Variants in ANK3 observed in about 807,000 individuals in gnomAD.
The protein encoded by ANK3 is ankyrin-3.
A neutral mutation model predicts 370.9 loss-of-function variants in ANK3; 57 were observed. The observed-to-expected ratio is 0.15, with a 90% CI of 0.12 to 0.19. The LOEUF is 0.19. ANK3 is among the 10% of genes least tolerant of loss of function. The pLI, the probability that ANK3 is intolerant of heterozygous loss-of-function variation, is 1.00. For missense variants in ANK3, 4,439 were observed against 5,302.1 expected (o/e 0.84, Z 5.06); for synonymous variants, 1,929 against 1,946.3 (o/e 0.99, Z 0.23).
At chr10:60,569,184 TG>T (rs1199356244) in intron 2 of ANK3, among the ~76,000 whole-genome samples, 3 of 152,324 alleles carry the variant, frequency 2.0e-5, no homozygotes, top group Admixed American at 1.3e-4. Context: ...GGGGGCAATA[TG>T]TTATCCTGTG....
intron 9 of ANK3, among the ~76,000 whole-genome samples, chr10:60,213,100 G>A (rs2096882153): frequency 6.6e-6 from 1 of 152,106 alleles, no homozygotes; most frequent in Admixed American, 6.6e-5. Flanking sequence ...AGAGAGTGTA[G>A]AACTTTAGTC....
intron 2 of ANK3, among the ~76,000 whole-genome samples, chr10:60,551,775 G>A (rs2077093718): frequency 6.6e-6 from 1 of 152,046 alleles, no homozygotes; most frequent in Non-Finnish European, 1.5e-5. Flanking sequence ...TGTAAAACAG[G>A]AAGATAATAA....
At chr10:60,721,394 A>G (rs1319563628) in intron 1 of ANK3, among the ~76,000 whole-genome samples, 4 of 152,254 alleles carry the variant, frequency 2.6e-5, no homozygotes, top group Admixed American at 2.6e-4. Flanking sequence ...TAAGTATAGC[A>G]TGGTCACAGG....
At chr10:60,068,485 T>C (rs1350143434) in intron 37 of ANK3, 152 bp downstream of exon 37, 7 of 805,120 alleles carry the variant, frequency 8.7e-6, no homozygotes, top group African/African-American at 1.7e-5. Flanking sequence ...CAGATGACAA[T>C]GACATAATGA....
At chr10:60,448,775 T>G (rs2064519661) in intron 2 of ANK3, among the ~76,000 whole-genome samples, 1 of 152,262 alleles carries the variant, frequency 6.6e-6, no homozygotes, top group South Asian at 2.1e-4. Context: ...AATTGATTAC[T>G]AATTCCTTTG....
chr10:60,359,881 C>G lies in ANK3; in HGVS notation c.114+29544G>C, dbSNP rs4353223. On this transcript the variant is annotated intron_variant, in intron 1 of 43. Transcript: ENST00000280772. Reference sequence around the variant, plus strand: ...TGAATGAAGAGTTCAGCCATACTATCTAAAATATAAAAATTCTTAACCATT... The same window carrying G: ...TGAATGAAGAGTTCAGCCATACTATGTAAAATATAAAAATTCTTAACCATT... 6.6e-5 allele frequency among the ~76,000 whole-genome samples: 10 copies of G among 152,294 alleles called. No individual in the cohort carries two copies. The East Asian group carries it at 1.9e-3, about 29-fold the overall frequency.
chr10:60,473,794 A>G (rs1428996907), intron 2 of ANK3, among the ~76,000 whole-genome samples: 1 of 152,080 alleles, frequency 6.6e-6, no homozygotes, highest in Non-Finnish European at 1.5e-5. Flanking sequence ...TTCTATGAAA[A>G]CAATGACATA....
intron 8 of ANK3, among the ~76,000 whole-genome samples, chr10:60,214,841 T>C (rs753498438): frequency 4.6e-5 from 7 of 152,356 alleles, no homozygotes; most frequent in African/African-American, 7.2e-5. Context: ...TATGTCTTTA[T>C]AGTAGAATGA....
chr10:60,644,978 G>A (rs1278772567), intron 1 of ANK3, among the ~76,000 whole-genome samples: 3 of 149,122 alleles, frequency 2.0e-5, no homozygotes, highest in Non-Finnish European at 4.4e-5. Context: ...AGGAGTAATT[G>A]TCGTCTACAT....
intron 1 of ANK3, among the ~76,000 whole-genome samples, chr10:60,637,321 A>T (rs1204324860): frequency 6.6e-6 from 1 of 152,142 alleles, no homozygotes; most frequent in East Asian, 1.9e-4. Flanking sequence ...GTTGTGCTTG[A>T]TTCTTCCTGG....
At chr10:60,125,295 C>G (rs1330482716) in intron 25 of ANK3, among the ~76,000 whole-genome samples, 1 of 152,032 alleles carries the variant, frequency 6.6e-6, no homozygotes, top group East Asian at 1.9e-4. Context: ...GTTATGAACT[C>G]GAACAAAAGA....
chr10:60,546,706 C>A (rs1209197386), intron 2 of ANK3, among the ~76,000 whole-genome samples: 2 of 152,066 alleles, frequency 1.3e-5, no homozygotes, highest in Admixed American at 6.5e-5. Flanking sequence ...GTGGAACGTA[C>A]ACACAGAGGA....
chr10:60,618,765 C>G (rs532492822), intron 1 of ANK3, among the ~76,000 whole-genome samples: 1 of 152,216 alleles, frequency 6.6e-6, no homozygotes, highest in African/African-American at 2.4e-5. Context: ...ATCCGCTTTC[C>G]TTTTCATGAC....
intron 1 of ANK3, among the ~76,000 whole-genome samples, chr10:60,335,364 T>C (rs2052572897): frequency 6.6e-6 from 1 of 152,124 alleles, no homozygotes; most frequent in Non-Finnish European, 1.5e-5. Flanking sequence ...TGTAAACACA[T>C]GATCTCTGCA....
chr10:60,495,803 C>T (rs1372403667), intron 2 of ANK3, among the ~76,000 whole-genome samples: 1 of 152,026 alleles, frequency 6.6e-6, no homozygotes, highest in Non-Finnish European at 1.5e-5. Context: ...AAGATGTCAG[C>T]CCTCAAGCAC....
At chr10:60,394,679 G>A (rs1177132784), upstream of ANK3, among the ~76,000 whole-genome samples, 1 of 152,164 alleles carries the variant, frequency 6.6e-6, no homozygotes, top group Non-Finnish European at 1.5e-5. Context: ...CCATATCTGT[G>A]GTGTCTGTTT....
At chr10:60,059,950 G>C in intron 40 of ANK3, 1 of 1,613,428 alleles carries the variant, frequency 6.2e-7, no homozygotes, top group Non-Finnish European at 8.5e-7. Context: ...AAAGGGGTAG[G>C]TGGTGTGTAG....
At position 60,027,866 on chromosome 10, in the gene ANK3, C is replaced by A. The variant is rs1215135094; in HGVS notation, c.*1980G>T. 1.3e-5 allele frequency: 2 copies of A among 152,168 alleles called. No individual in the cohort carries two copies. Among genetic ancestry groups the A allele is most frequent in the African/African-American group, 4.8e-5 (2 of 41,434 alleles). 9.4% of individuals were successfully genotyped at this position (152,168 alleles called of 1,614,324 possible). Reference sequence around the variant, plus strand: ...AAGAAATGAGGCTGTGGCAGTGATACCTGTAGACCCCACACCTGGCTGGAG... The same window carrying A: ...AAGAAATGAGGCTGTGGCAGTGATAACTGTAGACCCCACACCTGGCTGGAG... On this transcript the variant is annotated 3_prime_UTR_variant, in exon 44 of 44. Coordinates refer to ENST00000280772, the MANE Select transcript of ANK3 (RefSeq NM_020987.5).
At chr10:60,213,564 G>T in intron 8 of ANK3, 54 bp from the exon 9 acceptor site, 1 of 1,213,200 alleles carries the variant, frequency 8.2e-7, no homozygotes, top group Non-Finnish European at 1.2e-6. Context: ...TTCTATGAGT[G>T]CAGTGTACTT....
Sources: allele counts gnomAD v4.1 joint callset (sites outside exome capture counted in the v4.1 genomes callset), GRCh38; gene constraint gnomAD v4.1.1; transcripts MANE v1.5; gene names NCBI Gene and HGNC (gene_info 2026-07-23, HGNC 2026-07-21).